The following TSC22D1 variants were observed in gnomAD, a reference collection of about 807,000 sequenced individuals.
TSC22D1 encodes TSC22 domain family protein 1.
A neutral mutation model predicts 74.2 loss-of-function variants in TSC22D1; 9 were observed. The observed-to-expected ratio is 0.12, with a 90% CI of 0.07 to 0.21. The LOEUF (loss-of-function observed/expected upper bound fraction) is 0.21. Ranked by LOEUF, TSC22D1 falls within the 10% of genes least tolerant of loss-of-function variation. TSC22D1 has a pLI of 1.00. For synonymous variants in TSC22D1, 586 were observed against 492.5 expected (o/e 1.19, Z -2.51); for missense variants, 1,427 against 1,304.7 (o/e 1.09, Z -1.44).
At chr13:44,511,243 C>A (rs1365662038) in intron 1 of TSC22D1, among the ~76,000 whole-genome samples, 1 of 151,984 alleles carries the variant, frequency 6.6e-6, no homozygotes, top group Non-Finnish European at 1.5e-5. Context: ...ATGATCACAC[C>A]ACTACACTTC....
In TSC22D1 at chr13:44,575,623, G is replaced by T. The variant is rs773417151; in HGVS notation, c.452C>A (p.Ser151Tyr). 1 of 1,614,210 alleles carries T rather than the reference G, an allele frequency of 6.2e-7. No homozygotes were observed. Among genetic ancestry groups the T allele is most frequent in the South Asian group, 1.1e-5 (1 of 91,078 alleles). Residue 151 changes from serine (S) to tyrosine (Y), a missense_variant, in exon 1 of 3, where the codon TCT becomes TAT. Ser to Tyr is a moderately radical substitution (Grantham distance 144). Around this residue, in one of 3 missense-constraint regions of TSC22D1, gnomAD observed 1,343 missense variants for 1,191.5 expected, o/e 1.13. Transcript: ENST00000458659. ...LDESHTEDLS[S>Y]SEILDVSLSR... ...AAGTGACACATCAAGGATCTCCGAA[G>T]AAGAGAGATCTTCCGTGTGAGATTC...
intron 1 of TSC22D1, among the ~76,000 whole-genome samples, chr13:44,467,380 A>C (rs1269349937): frequency 2.6e-5 from 4 of 152,192 alleles, no homozygotes; most frequent in Non-Finnish European, 5.9e-5. Flanking sequence ...AAGTGTAACA[A>C]AAACAAAAAT....
At chr13:44,543,564 G>A (rs996553092) in intron 1 of TSC22D1, among the ~76,000 whole-genome samples, 1 of 152,158 alleles carries the variant, frequency 6.6e-6, no homozygotes, top group African/African-American at 2.4e-5. Flanking sequence ...ATCCAAAACA[G>A]TCCTAGCTGG....
At chr13:44,569,748 T>C (rs1883627917) in intron 1 of TSC22D1, among the ~76,000 whole-genome samples, 1 of 152,198 alleles carries the variant, frequency 6.6e-6, no homozygotes, top group African/African-American at 2.4e-5. Flanking sequence ...TCAGTTCTTT[T>C]CCATTTGTTG....
rs138522920 is a variant in TSC22D1 at position 44,531,529 on chromosome 13, AATAT to A, written c.2912+41630_2912+41633del. Among the ~76,000 whole-genome samples, 957 of 152,302 alleles carry A rather than the reference AATAT, an allele frequency of 6.3e-3. 26 individuals are homozygous for A. The East Asian group carries it at 0.088, about 14-fold the overall frequency. On this transcript the variant is annotated intron_variant, in intron 1 of 2. Coordinates refer to ENST00000458659, the MANE Select transcript of TSC22D1 (RefSeq NM_183422.4). ...CAGGTTAACTCAATTAAATTAGGTA[AATAT>A]ACCTGAAGCATCTAGCAAAGGTACA...
rs1258592973 is a variant in TSC22D1 at position 44,485,542 on chromosome 13, A to G, written c.2913-49447T>C. Among the ~76,000 whole-genome samples, 3 of 152,278 alleles carry G rather than the reference A, an allele frequency of 2.0e-5. No homozygotes were observed. The East Asian group carries it at 5.8e-4, about 29-fold the overall frequency. On this transcript the variant is annotated intron_variant, in intron 1 of 2. Coordinates refer to ENST00000458659, the MANE Select transcript of TSC22D1 (RefSeq NM_183422.4). ...CATTTCAAAAATGTCCTACTAGTTC[A>G]GAGAGAACAGATGCCTAGAATAACC...
chr13:44,447,891 T>C (rs1196540078), intron 1 of TSC22D1, among the ~76,000 whole-genome samples: 2 of 146,892 alleles, frequency 1.4e-5, no homozygotes, highest in South Asian at 2.2e-4. Flanking sequence ...ACTACTGCAA[T>C]GGGAGAGAGA....
At chr13:44,564,273 T>A (rs1398430676) in intron 1 of TSC22D1, among the ~76,000 whole-genome samples, 1 of 152,148 alleles carries the variant, frequency 6.6e-6, no homozygotes, top group Non-Finnish European at 1.5e-5. Context: ...TTTGAATATA[T>A]GCAGCACATC....
At chr13:44,494,564 A>T (rs1878879865) in intron 1 of TSC22D1, among the ~76,000 whole-genome samples, 1 of 151,800 alleles carries the variant, frequency 6.6e-6, no homozygotes, top group Non-Finnish European at 1.5e-5. Context: ...TCTCAAAAAA[A>T]ATAAAAAATA....
intron 1 of TSC22D1, among the ~76,000 whole-genome samples, chr13:44,553,095 C>G (rs1481816865): frequency 6.6e-6 from 1 of 152,202 alleles, no homozygotes; most frequent in Non-Finnish European, 1.5e-5. Flanking sequence ...GGCCTGCCGT[C>G]ACTTGACTAT....
chr13:44,526,852 CAT>C (rs1359544610), intron 1 of TSC22D1, among the ~76,000 whole-genome samples: 6 of 151,438 alleles, frequency 4.0e-5, no homozygotes, highest in Middle Eastern at 3.4e-3. Flanking sequence ...GAGAACATGA[CAT>C]AAGATAAATA....
At chr13:44,474,162 G>T in intron 1 of TSC22D1, 1 of 886,432 alleles carries the variant, frequency 1.1e-6, no homozygotes, top group Non-Finnish European at 1.4e-6. Context: ...GCAGGACTTA[G>T]GACAACTGAG....
At chr13:44,506,896 G>C (rs1283893425) in intron 1 of TSC22D1, among the ~76,000 whole-genome samples, 1 of 152,156 alleles carries the variant, frequency 6.6e-6, no homozygotes, top group African/African-American at 2.4e-5. Flanking sequence ...ATTTCACAAT[G>C]GGATGAATGT....
intron 1 of TSC22D1, among the ~76,000 whole-genome samples, chr13:44,480,775 G>A (rs1241114910): frequency 2.0e-5 from 3 of 152,294 alleles, no homozygotes; most frequent in Non-Finnish European, 4.4e-5. Flanking sequence ...TTGAGGCCAA[G>A]TTTCCATACT....
chr13:44,517,355 CACACA>C (rs921381028), intron 1 of TSC22D1, among the ~76,000 whole-genome samples: 7 of 151,816 alleles, frequency 4.6e-5, no homozygotes, highest in African/African-American at 1.2e-4. Context: ...CACACACACA[CACACA>C]AATGTACTCC....
Position 44,434,594 on chromosome 13 carries a change from C to A in TSC22D1, c.*32G>T. 6.6e-7 allele frequency: 1 copy of A among 1,511,754 alleles called. No individual in the cohort carries two copies. The allele number at this position is 1,511,754 out of a possible 1,614,324, so 93.6% of individuals were successfully genotyped here. A position where few individuals can be genotyped will look rare whatever the true frequency, so the allele number is the denominator to read the frequency against. On this transcript the variant is annotated 3_prime_UTR_variant, in exon 3 of 3. Coordinates refer to ENST00000458659, the MANE Select transcript of TSC22D1 (RefSeq NM_183422.4). Reference sequence around the variant, plus strand: ...ATCTTCTCCGTCTGTTCAGTTCACACGCAGCAGCCAGTTCTGCGGGGGCAT... The same window carrying A: ...ATCTTCTCCGTCTGTTCAGTTCACAAGCAGCAGCCAGTTCTGCGGGGGCAT...
At chr13:44,538,414 C>G in intron 1 of TSC22D1, 1 of 985,310 alleles carries the variant, frequency 1.0e-6, no homozygotes, top group Non-Finnish European at 1.2e-6. Context: ...CTTTCAGTGT[C>G]AGGCAACAAA....
At chr13:44,550,601 GA>G (rs1882171725) in intron 1 of TSC22D1, among the ~76,000 whole-genome samples, 1 of 145,884 alleles carries the variant, frequency 6.9e-6, no homozygotes, top group African/African-American at 2.5e-5. Context: ...AAAAAAAAAA[GA>G]AAAAAAGAAA....
At chr13:44,561,315 C>G (rs182245648) in intron 1 of TSC22D1, among the ~76,000 whole-genome samples, 145 of 152,246 alleles carry the variant, frequency 9.5e-4, no homozygotes, top group African/African-American at 3.2e-3. Context: ...TTCTCATACT[C>G]AATTAAGGAA....
Sources: gnomAD v4.1 joint callset for allele counts (sites outside exome capture counted in the v4.1 genomes callset) on GRCh38, gnomAD v4.1.1 for gene constraint, gnomAD v4.1.1 regional missense constraint, MANE v1.5 for transcripts, NCBI Gene and HGNC (gene_info 2026-07-23, HGNC 2026-07-21) for gene names.